TMC7: variants seen among roughly 807,000 people sequenced by gnomAD.
TMC7 encodes transmembrane channel-like protein 7.
A neutral mutation model predicts 82.9 loss-of-function variants in TMC7; 54 were observed. That is an observed-to-expected ratio of 0.65 (90% confidence interval 0.52 to 0.82). The LOEUF is 0.82. TMC7 is among the 40% of genes least tolerant of loss of function. TMC7 has a pLI of 0.00. For missense variants in TMC7, 820 were observed against 901.2 expected (o/e 0.91, Z 1.15); for synonymous variants, 350 against 337.9 (o/e 1.04, Z -0.39).
chr16:19,046,460 C>T (rs542768424), intron 11 of TMC7, among the ~76,000 whole-genome samples: 1 of 152,300 alleles, frequency 6.6e-6, no homozygotes, highest in South Asian at 2.1e-4. Flanking sequence ...TTTCTGTTAT[C>T]ATTCTCTGTT....
intron 13 of TMC7, 132 bp downstream of exon 13, chr16:19,051,948 G>A (rs1453688180): frequency 7.2e-6 from 9 of 1,257,346 alleles, no homozygotes; most frequent in Non-Finnish European, 1.0e-5. Context: ...AGGCTGGAGT[G>A]TGGTGGCGCA....
Position 19,044,946 on chromosome 16 carries a change from C to T in TMC7, c.1400C>T (p.Thr467Ile). ...VLVFTLGSKI[T>I]SCDDDTCDLC... ...GTGTTCACGCTGGGCTCCAAGATCA[C>T]ATCCTGTGATGATGACACATGTGAC... The change falls in exon 10 of 16, where the codon ACA becomes ATA. Residue 467 changes from threonine to isoleucine, a missense_variant. Physicochemically the swap from Thr to Ile is moderately conservative, Grantham distance 89 (BLOSUM62 -1). Around this residue, in one of 2 missense-constraint regions of TMC7, gnomAD observed 650 missense variants for 669.9 expected, o/e 0.97. Coordinates refer to ENST00000304381, the MANE Select transcript of TMC7 (RefSeq NM_024847.4). 6.2e-7 allele frequency: 1 copy of T among 1,614,012 alleles called. No homozygotes were observed. Among genetic ancestry groups the T allele is most frequent in the Non-Finnish European group, 8.5e-7 (1 of 1,180,008 alleles).
In TMC7 at chr16:19,056,662, C is replaced by T. The variant is rs781038204; in HGVS notation, c.1992C>T (p.Ser664=). The part of the protein sequence containing the change: ...SLQSFIHGVT[S]EAFAVPFFMI... ...AGTCCTTCATCCATGGTGTCACATC[C>T]GAAGCCTTTGCAGTTCCTTTCTTCA... The change falls in exon 14 of 16, where the codon TCC becomes TCT. Residue 664 remains serine (S), a synonymous_variant. Transcript: ENST00000304381. The T allele has an allele frequency of 3.3e-5, 53 of 1,613,948 alleles. No homozygotes were observed. In the Admixed American group the frequency reaches 5.7e-4, roughly 17 times the overall value.
intron 5 of TMC7, among the ~76,000 whole-genome samples, chr16:19,027,388 A>G (rs6497317): frequency 0.022 from 3,282 of 152,116 alleles, 84 homozygotes; most frequent in African/African-American, 0.062. Context: ...ACTCTTGAGC[A>G]CTTGAAATAT....
rs1326813043 is a variant in TMC7 at position 19,063,435 on chromosome 16, C to T, written c.*1592C>T. The T allele has an allele frequency of 6.6e-6, 1 of 152,148 alleles. No individual in the cohort carries two copies. Among genetic ancestry groups the T allele is most frequent in the Non-Finnish European group, 1.5e-5 (1 of 68,106 alleles). 9.4% of individuals were successfully genotyped at this position (152,148 alleles called of 1,614,324 possible). ...AGGCATGGTGGCGTGTGCCTGTAATCCCAGCTACTTGGGAGGCTGAGGCAT... is the reference window on the plus strand; with the variant it reads ...AGGCATGGTGGCGTGTGCCTGTAATTCCAGCTACTTGGGAGGCTGAGGCAT... On this transcript the variant is annotated 3_prime_UTR_variant, in exon 16 of 16. Coordinates refer to ENST00000304381, the MANE Select transcript of TMC7 (RefSeq NM_024847.4).
intron 2 of TMC7, among the ~76,000 whole-genome samples, chr16:19,016,086 CTTTCT>C (rs1048555142): frequency 2.0e-5 from 3 of 151,982 alleles, no homozygotes; most frequent in Non-Finnish European, 4.4e-5. Flanking sequence ...GATGCTGAGT[CTTTCT>C]TTTCTTTTCT....
At chr16:19,035,422 A>C (rs1007562639) in intron 6 of TMC7, among the ~76,000 whole-genome samples, 3 of 152,204 alleles carry the variant, frequency 2.0e-5, no homozygotes, top group African/African-American at 7.2e-5. Context: ...CTGAATCTAA[A>C]ATAAAAGTTG....
chr16:19,002,111 G>A (rs1337494870), intron 1 of TMC7, among the ~76,000 whole-genome samples: 3 of 152,244 alleles, frequency 2.0e-5, no homozygotes, highest in Non-Finnish European at 4.4e-5. Flanking sequence ...GTTCATGCCT[G>A]TTGGTAGGAT....
chr16:18,984,341 A>G, intron 1 of TMC7: 1 of 1,298,272 alleles, frequency 7.7e-7, no homozygotes, highest in Non-Finnish European at 9.7e-7. Context: ...AGTGGAACCC[A>G]GCCGGGCCAA....
chr16:18,994,316 A>T (rs1436173931), intron 1 of TMC7, among the ~76,000 whole-genome samples: 1 of 152,146 alleles, frequency 6.6e-6, no homozygotes, highest in Non-Finnish European at 1.5e-5. Context: ...ACATGCAGAC[A>T]TGAGGGCTAT....
intron 2 of TMC7, among the ~76,000 whole-genome samples, chr16:19,010,659 G>A (rs1451735445): frequency 2.0e-5 from 3 of 152,160 alleles, no homozygotes; most frequent in African/African-American, 2.4e-5. Flanking sequence ...ACCCCACAAC[G>A]GAGTAGCCTA....
intron 13 of TMC7, among the ~76,000 whole-genome samples, chr16:19,054,319 A>C (rs1961670445): frequency 6.6e-6 from 1 of 152,138 alleles, no homozygotes; most frequent in Admixed American, 6.6e-5. Flanking sequence ...CCAATTGTTA[A>C]CATTTTACTA....
At chr16:19,036,230 C>G (rs1157639496) in intron 7 of TMC7, among the ~76,000 whole-genome samples, 1 of 152,148 alleles carries the variant, frequency 6.6e-6, no homozygotes, top group African/African-American at 2.4e-5. Context: ...AAAGTACAGA[C>G]CGGGCGTGGT....
chr16:19,005,443 C>G (rs139068124), intron 1 of TMC7, among the ~76,000 whole-genome samples: 2 of 152,304 alleles, frequency 1.3e-5, no homozygotes, highest in African/African-American at 2.4e-5. Flanking sequence ...CTCAATAAAT[C>G]TTAGCCAGTG....
intron 2 of TMC7, among the ~76,000 whole-genome samples, chr16:19,011,171 G>A (rs1291341620): frequency 1.3e-5 from 2 of 152,112 alleles, no homozygotes; most frequent in Non-Finnish European, 2.9e-5. Flanking sequence ...TTAGCCACAT[G>A]GTCATACCTA....
chr16:19,030,459 G>T, intron 6 of TMC7, 90 bp downstream of exon 6: 1 of 1,436,418 alleles, frequency 7.0e-7, no homozygotes. Flanking sequence ...TTGCCTAAAG[G>T]ATGAGTGGAG....
intron 2 of TMC7, among the ~76,000 whole-genome samples, chr16:19,016,137 C>T (rs906569708): frequency 1.3e-5 from 2 of 151,852 alleles, no homozygotes; most frequent in African/African-American, 4.8e-5. Context: ...ACTCTTGTTG[C>T]CCAGGCTGGA....
chr16:18,987,952 G>A (rs2038881307), intron 1 of TMC7, among the ~76,000 whole-genome samples: 1 of 152,154 alleles, frequency 6.6e-6, no homozygotes. Flanking sequence ...TGGAACGGTA[G>A]AGGCAAAACT....
At chr16:19,049,031 G>A (rs1405223889) in intron 12 of TMC7, among the ~76,000 whole-genome samples, 1 of 152,164 alleles carries the variant, frequency 6.6e-6, no homozygotes, top group Non-Finnish European at 1.5e-5. Flanking sequence ...TTATATTTTA[G>A]TTAAGAAATT....
Sources: allele counts gnomAD v4.1 joint callset (sites outside exome capture counted in the v4.1 genomes callset), GRCh38; gene constraint gnomAD v4.1.1; regional missense constraint gnomAD v4.1.1; transcripts MANE v1.5; gene names NCBI Gene and HGNC (gene_info 2026-07-23, HGNC 2026-07-21).